Variants in UNC5D observed in about 807,000 individuals in gnomAD.
The protein encoded by UNC5D is netrin receptor UNC5D.
In UNC5D, 39 loss-of-function variants were observed where a neutral mutation model predicts 105.4. The observed-to-expected ratio is 0.37, with a 90% CI of 0.29 to 0.48. The LOEUF (loss-of-function observed/expected upper bound fraction) is 0.48. UNC5D is among the 20% of genes least tolerant of loss of function. The pLI is 0.98. For synonymous variants in UNC5D, 452 were observed against 450.4 expected (o/e 1.00, Z -0.04); for missense variants, 991 against 1,202.4 (o/e 0.82, Z 2.60).
At chr8:35,575,274 C>T (rs866763459) in intron 3 of UNC5D, among the ~76,000 whole-genome samples, 36 of 152,106 alleles carry the variant, frequency 2.4e-4, no homozygotes, top group African/African-American at 7.2e-4. Flanking sequence ...ATGTATATTA[C>T]CTTTGTTTTA....
intron 1 of UNC5D, among the ~76,000 whole-genome samples, chr8:35,402,525 T>A (rs1804539401): frequency 6.6e-6 from 1 of 152,114 alleles, no homozygotes. Flanking sequence ...AAGAGGAGAC[T>A]TGGGTGGGGA....
At chr8:35,486,157 T>G (rs940566585) in intron 1 of UNC5D, among the ~76,000 whole-genome samples, 1 of 152,242 alleles carries the variant, frequency 6.6e-6, no homozygotes, top group Non-Finnish European at 1.5e-5. Context: ...GTTTTAAATA[T>G]GGGAAATATT....
At chr8:35,396,290 G>A (rs1055259853) in intron 1 of UNC5D, among the ~76,000 whole-genome samples, 4 of 152,062 alleles carry the variant, frequency 2.6e-5, no homozygotes, top group African/African-American at 7.2e-5. Context: ...GCATTACAAC[G>A]AAAGGTTACA....
intron 3 of UNC5D, 44 bp from the exon 4 acceptor site, chr8:35,595,510 C>T: frequency 1.3e-6 from 2 of 1,583,500 alleles, no homozygotes; most frequent in Non-Finnish European, 1.7e-6. Flanking sequence ...TTGAATAACA[C>T]TAGACTTGAA....
rs117276165 is a variant in UNC5D at position 35,416,675 on chromosome 8, G to A, written c.104-132617G>A. Among the ~76,000 whole-genome samples, 728 of 152,110 alleles carry A rather than the reference G, an allele frequency of 4.8e-3. 4 individuals carry two copies. The highest frequency in any genetic ancestry group is 0.024 in the Middle Eastern group (7 of 294). ...TTTTCTTATAGTAAGAGTAGAATCA[G>A]GAGTAACTGTTGAGATTTTCCAACT... On this transcript the variant is annotated intron_variant, in intron 1 of 16. Coordinates refer to ENST00000404895, the MANE Select transcript of UNC5D (RefSeq NM_080872.4).
intron 1 of UNC5D, among the ~76,000 whole-genome samples, chr8:35,316,424 T>C (rs1809310409): frequency 6.6e-6 from 1 of 152,192 alleles, no homozygotes; most frequent in African/African-American, 2.4e-5. Context: ...AAGATGCTAA[T>C]CCTCATTCTG....
intron 13 of UNC5D, among the ~76,000 whole-genome samples, chr8:35,756,741 A>G (rs1368576144): frequency 6.6e-6 from 1 of 152,108 alleles, no homozygotes; most frequent in African/African-American, 2.4e-5. Context: ...TAAATAAGGC[A>G]CTTGGTGCTC....
intron 16 of UNC5D, among the ~76,000 whole-genome samples, chr8:35,782,569 T>A (rs1802552937): frequency 6.7e-6 from 1 of 150,298 alleles, no homozygotes; most frequent in Non-Finnish European, 1.5e-5. Context: ...AATGGCACCA[T>A]CTAGGCTCAC....
intron 4 of UNC5D, among the ~76,000 whole-genome samples, chr8:35,641,123 A>G (rs1256173606): frequency 6.6e-6 from 1 of 152,086 alleles, no homozygotes; most frequent in Non-Finnish European, 1.5e-5. Flanking sequence ...TAGGGTTAAG[A>G]AATTTCCCAA....
At chr8:35,517,592 G>A (rs1813183263) in intron 1 of UNC5D, among the ~76,000 whole-genome samples, 3 of 152,252 alleles carry the variant, frequency 2.0e-5, no homozygotes, top group Admixed American at 1.3e-4. Flanking sequence ...TTGCAGAGCA[G>A]TTGAGGTGAG....
chr8:35,640,068 T>A (rs1434619592), intron 4 of UNC5D, among the ~76,000 whole-genome samples: 1 of 152,094 alleles, frequency 6.6e-6, no homozygotes, highest in Non-Finnish European at 1.5e-5. Context: ...GTCCATTTCA[T>A]TTATTTGAAA....
chr8:35,554,283 C>T (rs1248803910), intron 2 of UNC5D, among the ~76,000 whole-genome samples: 1 of 152,200 alleles, frequency 6.6e-6, no homozygotes, highest in African/African-American at 2.4e-5. Context: ...AAACCCAGAG[C>T]TAGAGTTCTT....
At chr8:35,261,634 G>T (rs548269629) in intron 1 of UNC5D, among the ~76,000 whole-genome samples, 8 of 151,650 alleles carry the variant, frequency 5.3e-5, no homozygotes, top group Non-Finnish European at 1.0e-4. Flanking sequence ...GTGTGTGTAG[G>T]GGGGTGGGGG....
intron 1 of UNC5D, among the ~76,000 whole-genome samples, chr8:35,496,851 A>C (rs1004895477): frequency 5.3e-5 from 8 of 152,188 alleles, no homozygotes; most frequent in Non-Finnish European, 1.2e-4. Flanking sequence ...TGGACATTTC[A>C]TATAAATGGA....
At chr8:35,510,163 C>G (rs1812598631) in intron 1 of UNC5D, among the ~76,000 whole-genome samples, 1 of 151,964 alleles carries the variant, frequency 6.6e-6, no homozygotes, top group Admixed American at 6.6e-5. Flanking sequence ...CCTTCATTCC[C>G]TCTCTCCTCC....
At chr8:35,565,110 T>G (rs1398723754) in intron 2 of UNC5D, among the ~76,000 whole-genome samples, 1 of 152,208 alleles carries the variant, frequency 6.6e-6, no homozygotes, top group African/African-American at 2.4e-5. Context: ...AGATACCCAG[T>G]AGTGGGATTA....
rs188577524 is a variant in UNC5D, at chr8:35,398,531, A to T, written c.104-150761A>T. 6.0e-3 allele frequency among the ~76,000 whole-genome samples: 850 copies of T among 142,004 alleles called. 2 individuals carry two copies. The highest frequency in any genetic ancestry group is 8.6e-3 in the Non-Finnish European group (559 of 64,734). 93.2% of individuals were successfully genotyped at this position (142,004 alleles called of 152,430 possible). A position where few individuals can be genotyped will look rare whatever the true frequency, so the allele number is the denominator to read the frequency against. ...CTAACAGTGCTTCTAAGCAGACATT[A>T]AAAAAAAAAAAGTGTCTCTTGTTTA... On this transcript the variant is annotated intron_variant, in intron 1 of 16. Transcript: ENST00000404895.
At chr8:35,499,234 A>C (rs1811816825) in intron 1 of UNC5D, among the ~76,000 whole-genome samples, 1 of 152,260 alleles carries the variant, frequency 6.6e-6, no homozygotes, top group Admixed American at 6.5e-5. Context: ...GCCAGTTTGC[A>C]AGTCCATGCA....
At chr8:35,576,599 G>GTTGTTTGT (rs59553994) in intron 3 of UNC5D, among the ~76,000 whole-genome samples, 7 of 151,990 alleles carry the variant, frequency 4.6e-5, no homozygotes, top group East Asian at 1.9e-4. Context: ...GACTAACAGA[G>GTTGTTTGT]TTGTTTGTTT....
Sources: gnomAD v4.1 joint callset for allele counts (sites outside exome capture counted in the v4.1 genomes callset) on GRCh38, gnomAD v4.1.1 for gene constraint, MANE v1.5 for transcripts, NCBI Gene and HGNC (gene_info 2026-07-23, HGNC 2026-07-21) for gene names.